The following DTNB variants were observed in gnomAD, a reference collection of about 807,000 sequenced individuals.
DTNB encodes dystrobrevin beta.
DTNB carries 63 observed loss-of-function variants against 90.7 expected under a neutral mutation model. The observed-to-expected ratio is 0.69, with a 90% CI of 0.57 to 0.86. DTNB has a LOEUF of 0.86. Ranked by LOEUF, DTNB falls within the 40% of genes least tolerant of loss-of-function variation. The probability of loss-of-function intolerance (pLI) is 0.00; values close to 1 mark genes in which losing one functional copy is unlikely to be tolerated. For missense variants in DTNB, 744 were observed against 807.1 expected (o/e 0.92, Z 0.95); for synonymous variants, 277 against 286.7 (o/e 0.97, Z 0.34).
chr2:25,609,220 G>A (rs1241440455), intron 4 of DTNB, among the ~76,000 whole-genome samples: 1 of 152,198 alleles, frequency 6.6e-6, no homozygotes, highest in Non-Finnish European at 1.5e-5. Context: ...GAACTCTGAT[G>A]GATACAGCTT....
chr2:25,381,853 C>G (rs1161986858), intron 19 of DTNB, among the ~76,000 whole-genome samples: 1 of 152,252 alleles, frequency 6.6e-6, no homozygotes, highest in East Asian at 1.9e-4. Flanking sequence ...CTGACAAATT[C>G]CTTGCCCCGT....
chr2:25,428,439 T>C (rs2052630118), intron 14 of DTNB, among the ~76,000 whole-genome samples: 2 of 151,408 alleles, frequency 1.3e-5, no homozygotes, highest in African/African-American at 2.4e-5. Context: ...TGCTTTCTTT[T>C]TTTTTTTTTT....
At chr2:25,450,280 C>T (rs1001901218) in intron 12 of DTNB, among the ~76,000 whole-genome samples, 7 of 149,230 alleles carry the variant, frequency 4.7e-5, no homozygotes, top group African/African-American at 7.4e-5. Flanking sequence ...GTTGTTCCAA[C>T]AGCATTTGTT....
chr2:25,602,901 T>A (rs1340027705), intron 5 of DTNB, among the ~76,000 whole-genome samples: 3 of 152,222 alleles, frequency 2.0e-5, no homozygotes, highest in Non-Finnish European at 4.4e-5. Context: ...TCCCAAAATT[T>A]AACTGAGTTC....
intron 10 of DTNB, among the ~76,000 whole-genome samples, chr2:25,464,854 A>G (rs2061525848): frequency 6.6e-6 from 1 of 152,194 alleles, no homozygotes; most frequent in African/African-American, 2.4e-5. Flanking sequence ...GTACTCCTCA[A>G]AACTGCCAAG....
chr2:25,670,865 G>A (rs191011068), intron 1 of DTNB, among the ~76,000 whole-genome samples: 1 of 152,288 alleles, frequency 6.6e-6, no homozygotes. Context: ...GTACCATTCT[G>A]AATAGCGTGA....
intron 16 of DTNB, among the ~76,000 whole-genome samples, chr2:25,407,869 A>G (rs1012501216): frequency 6.6e-6 from 1 of 152,208 alleles, no homozygotes; most frequent in African/African-American, 2.4e-5. Context: ...AGAATTCACC[A>G]CTAAATCACT....
At chr2:25,463,992 G>T (rs2061406794) in intron 10 of DTNB, among the ~76,000 whole-genome samples, 1 of 152,194 alleles carries the variant, frequency 6.6e-6, no homozygotes, top group South Asian at 2.1e-4. Context: ...TGCAACCTCT[G>T]CCTCCTCGGT....
In DTNB at chr2:25,638,996, T is replaced by C. The variant is rs781555259; in HGVS notation, c.148+18A>G. On this transcript the variant is annotated intron_variant, in intron 3 of 20. Coordinates refer to ENST00000406818, the MANE Select transcript of DTNB (RefSeq NM_021907.5). ...GAACTCTATCCAGCTATCACAGAAA[T>C]GAGTAGAAATGACTCACGGTTGCAT... 5 of 1,556,922 alleles carry C rather than the reference T, an allele frequency of 3.2e-6. No homozygotes were observed. In the South Asian group the frequency reaches 3.6e-5, roughly 11 times the overall value.
chr2:25,510,545 T>C (rs1326319838), intron 9 of DTNB, among the ~76,000 whole-genome samples: 2 of 151,962 alleles, frequency 1.3e-5, no homozygotes, highest in Non-Finnish European at 2.9e-5. Flanking sequence ...TCTCGCTCTA[T>C]TGCCCAGAAT....
intron 8 of DTNB, among the ~76,000 whole-genome samples, chr2:25,550,724 A>T (rs932807154): frequency 7.2e-5 from 11 of 151,732 alleles, no homozygotes; most frequent in Non-Finnish European, 1.6e-4. Context: ...ATCTTGGCTC[A>T]CTGCAACCTC....
chr2:25,648,411 T>G (rs1048987125), intron 2 of DTNB, among the ~76,000 whole-genome samples: 1 of 148,556 alleles, frequency 6.7e-6, no homozygotes, highest in African/African-American at 2.4e-5. Context: ...AACTACTGTC[T>G]AAAAACATAA....
chr2:25,432,804 C>G, intron 14 of DTNB, 82 bp downstream of exon 14: 1 of 1,382,490 alleles, frequency 7.2e-7, no homozygotes, highest in Non-Finnish European at 9.9e-7. Flanking sequence ...ACAACAGATT[C>G]TACCCCACTC....
In DTNB at chr2:25,558,096, T is replaced by C. The variant is rs1042847490; in HGVS notation, c.876+18742A>G. On this transcript the variant is annotated intron_variant, in intron 8 of 20. Coordinates refer to ENST00000406818, the MANE Select transcript of DTNB (RefSeq NM_021907.5). ...AATGCCGGGGAGCACAGGATCTGGC[T>C]CATCAAAGGCGATCCAAAGGCTTAA... 35 of 637,692 alleles carry C rather than the reference T, an allele frequency of 5.5e-5. No homozygotes were observed. The African/African-American group carries it at 6.7e-4, about 12-fold the overall frequency. The allele number at this position is 637,692 out of a possible 1,614,324, so 39.5% of individuals were successfully genotyped here.
At chr2:25,547,971 A>T (rs1187781631) in intron 8 of DTNB, among the ~76,000 whole-genome samples, 1 of 152,182 alleles carries the variant, frequency 6.6e-6, no homozygotes, top group Non-Finnish European at 1.5e-5. Context: ...GTATTTTCTT[A>T]TAATTACAGA....
rs552475372 is a variant in DTNB, at chr2:25,410,622, T to C, written c.1575+8893A>G. ...ATAACTCGGGGAAGTCTGAATTATA[T>C]GAGGTATTCAAACTTTATCAGGTCC... On this transcript the variant is annotated intron_variant, in intron 16 of 20. Coordinates refer to ENST00000406818, the MANE Select transcript of DTNB (RefSeq NM_021907.5). Among the ~76,000 whole-genome samples the C allele has an allele frequency of 3.9e-5, 6 of 152,264 alleles. No individual in the cohort carries two copies. In the South Asian group the frequency reaches 6.2e-4, roughly 16 times the overall value.
chr2:25,446,980 T>C (rs2058520660), intron 12 of DTNB, among the ~76,000 whole-genome samples: 1 of 152,266 alleles, frequency 6.6e-6, no homozygotes, highest in Non-Finnish European at 1.5e-5. Flanking sequence ...ACTAATTCTC[T>C]ATTCATGTGT....
At position 25,436,102 on chromosome 2, in the gene DTNB, C is replaced by T. The variant is rs547886153; in HGVS notation, c.1258-2107G>A. Among the ~76,000 whole-genome samples, 22 of 152,260 alleles carry T rather than the reference C, an allele frequency of 1.4e-4. No homozygotes were observed. In the South Asian group the frequency reaches 2.9e-3, roughly 20 times the overall value. On this transcript the variant is annotated intron_variant, in intron 12 of 20. Coordinates refer to ENST00000406818, the MANE Select transcript of DTNB (RefSeq NM_021907.5). ...CTTGTAATCCAGCACTTCGGGAAGC[C>T]GAGGCAGGAGGATCATGAGGTCAGG...
rs924973671 is a variant in DTNB at position 25,508,683 on chromosome 2, C to A, written c.1001+22790G>T. Among the ~76,000 whole-genome samples, 8 of 152,024 alleles carry A rather than the reference C, an allele frequency of 5.3e-5. No homozygotes were observed. The South Asian group carries it at 1.0e-3, about 20-fold the overall frequency. The stretch of plus-strand genomic sequence containing the variant: ...CCGAGAAACTGGGATTACAGGTGTG[C>A]ACCACCACGCCGGGCTAATTTTTTA... On this transcript the variant is annotated intron_variant, in intron 9 of 20. Coordinates refer to ENST00000406818, the MANE Select transcript of DTNB (RefSeq NM_021907.5).
Sources: gnomAD v4.1 joint callset for allele counts (sites outside exome capture counted in the v4.1 genomes callset) on GRCh38, gnomAD v4.1.1 for gene constraint, MANE v1.5 for transcripts, NCBI Gene and HGNC (gene_info 2026-07-23, HGNC 2026-07-21) for gene names.